The following SMG7 variants were observed in gnomAD, a reference collection of about 807,000 sequenced individuals.
SMG7 encodes the protein nonsense-mediated mRNA decay factor SMG7.
In SMG7, 34 loss-of-function variants were observed where a neutral mutation model predicts 148.2. The ratio of observed to expected loss-of-function variants is 0.23; its 90% CI spans 0.17 to 0.31. The LOEUF is 0.31. SMG7 is among the 10% of genes least tolerant of loss of function. SMG7 has a pLI of 1.00. For synonymous variants in SMG7, 492 were observed against 515.1 expected (o/e 0.96, Z 0.61); for missense variants, 1,114 against 1,408.4 (o/e 0.79, Z 3.35).
chr1:183,516,797 G>A (rs1282598932), intron 3 of SMG7, among the ~76,000 whole-genome samples: 2 of 152,176 alleles, frequency 1.3e-5, no homozygotes, highest in African/African-American at 4.8e-5. Flanking sequence ...TAGAGTCAAG[G>A]ATAAGATGTC....
chr1:183,476,631 AGAT>A (rs763492741), intron 1 of SMG7, among the ~76,000 whole-genome samples: 7 of 152,216 alleles, frequency 4.6e-5, no homozygotes, highest in Non-Finnish European at 8.8e-5. Flanking sequence ...TATGTGGGAA[AGAT>A]GATGATATTC....
intron 14 of SMG7, 133 bp downstream of exon 14, chr1:183,542,635 T>TTA (rs1173485398): frequency 7.3e-6 from 5 of 685,644 alleles, no homozygotes; most frequent in Non-Finnish European, 1.2e-5. Context: ...CATAGTAAGG[T>TTA]TATATAAAGA....
chr1:183,538,945 A>G (rs749374982), intron 12 of SMG7, among the ~76,000 whole-genome samples: 74 of 152,056 alleles, frequency 4.9e-4, no homozygotes, highest in African/African-American at 1.7e-3. Context: ...GGAGATCGAG[A>G]CCATCCTGGC....
intron 1 of SMG7, among the ~76,000 whole-genome samples, chr1:183,493,376 A>AT (rs1657552450): frequency 6.6e-6 from 1 of 152,162 alleles, no homozygotes; most frequent in Non-Finnish European, 1.5e-5. Context: ...GTTTATATAT[A>AT]TATTTTTAAA....
intron 4 of SMG7, among the ~76,000 whole-genome samples, chr1:183,526,185 C>G (rs916907023): frequency 2.7e-5 from 4 of 147,048 alleles, no homozygotes; most frequent in Non-Finnish European, 5.9e-5. Flanking sequence ...GTCTTGCTCT[C>G]TCACCCAGGC....
rs1411452853 is a variant in SMG7, at chr1:183,544,976, T to C, written c.2034T>C (p.Ser678=). ...TTATCCCCCCGCCTGTGGCATTTTCTATGGGCTCAGGTTACACCTTCCCAG... is the reference window on the plus strand; with the variant it reads ...TTATCCCCCCGCCTGTGGCATTTTCCATGGGCTCAGGTTACACCTTCCCAG... ...TYVIPPPVAF[S]MGSGYTFPAG... is the part of the protein sequence containing the mutation. The change falls in exon 16 of 23, where the codon TCT becomes TCC. Residue 678 remains serine (S), a synonymous_variant. Transcript: ENST00000688051. The C allele has an allele frequency of 1.2e-6, 2 of 1,613,982 alleles. No individual in the cohort carries two copies. The highest frequency in any genetic ancestry group is 1.7e-6 in the Non-Finnish European group (2 of 1,179,884).
At chr1:183,489,917 A>T (rs1324137137) in intron 1 of SMG7, among the ~76,000 whole-genome samples, 1 of 152,242 alleles carries the variant, frequency 6.6e-6, no homozygotes, top group East Asian at 1.9e-4. Flanking sequence ...AGTTTGCAAA[A>T]TGTGGTCCCC....
chr1:183,499,731 T>C (rs1245918730), intron 1 of SMG7, among the ~76,000 whole-genome samples: 2 of 152,216 alleles, frequency 1.3e-5, no homozygotes, highest in Non-Finnish European at 2.9e-5. Flanking sequence ...CTTTGTCTTG[T>C]AATGTCCCTT....
At chr1:183,487,812 A>G (rs1290207807) in intron 1 of SMG7, among the ~76,000 whole-genome samples, 1 of 152,236 alleles carries the variant, frequency 6.6e-6, no homozygotes, top group Non-Finnish European at 1.5e-5. Context: ...GCTGGTAAAT[A>G]TATAATGGGA....
At chr1:183,505,047 A>C (rs927173250) in intron 1 of SMG7, among the ~76,000 whole-genome samples, 1 of 150,444 alleles carries the variant, frequency 6.6e-6, no homozygotes, top group African/African-American at 2.4e-5. Context: ...TCCTTCTTCA[A>C]CCTATTCATT....
chr1:183,510,589 C>G (rs1661902292), intron 1 of SMG7, among the ~76,000 whole-genome samples: 1 of 151,960 alleles, frequency 6.6e-6, no homozygotes, highest in Non-Finnish European at 1.5e-5. Context: ...CATTGAGATT[C>G]TGTTGTTTGA....
Position 183,527,600 on chromosome 1 carries a change from G to A in SMG7, c.485-356G>A, listed in dbSNP as rs545856250. On this transcript the variant is annotated intron_variant, in intron 5 of 22. Coordinates refer to ENST00000688051, the MANE Select transcript of SMG7 (RefSeq NM_001375584.1). This position sits in a 1 kb window ranked among gnomAD's most constrained non-coding sequence, Gnocchi z 4.0. Reference sequence around the variant, plus strand: ...TAATTTTCAGATCATATTGTATAGTGTATTTTGTTTTGTTTTGTTTTTAAG... The same window carrying A: ...TAATTTTCAGATCATATTGTATAGTATATTTTGTTTTGTTTTGTTTTTAAG... 1.6e-4 allele frequency: 78 copies of A among 474,610 alleles called. 1 individual carries two copies. The highest frequency in any genetic ancestry group is 1.2e-3 in the South Asian group (75 of 64,568). The allele number at this position is 474,610 out of a possible 1,614,324, so 29.4% of individuals were successfully genotyped here.
chr1:183,518,456 A>T (rs1259449773), intron 4 of SMG7, among the ~76,000 whole-genome samples: 1 of 152,260 alleles, frequency 6.6e-6, no homozygotes, highest in African/African-American at 2.4e-5. Flanking sequence ...TATAGTCATT[A>T]AAATAATAGC....
intron 1 of SMG7, among the ~76,000 whole-genome samples, chr1:183,489,577 A>T (rs1656412737): frequency 6.6e-6 from 1 of 152,160 alleles, no homozygotes; most frequent in Non-Finnish European, 1.5e-5. Context: ...TATTTAATGA[A>T]TATCTATGGT....
chr1:183,544,308 T>G (rs772538237), intron 14 of SMG7, 45 bp from the exon 15 acceptor site: 5 of 1,543,808 alleles, frequency 3.2e-6, no homozygotes, highest in Non-Finnish European at 3.6e-6. Flanking sequence ...CTAGCACATT[T>G]GAGTTTCAAT....
Position 183,483,523 on chromosome 1 carries a change from C to T in SMG7, c.29+10874C>T, listed in dbSNP as rs185196229. On this transcript the variant is annotated intron_variant, in intron 1 of 22. Transcript: ENST00000688051. ...ATTACTGGTGAAAAAAGTAAAAAAG[C>T]ATAGTGTTGAGAGAACCACCATAGG... Among the ~76,000 whole-genome samples the T allele has an allele frequency of 2.5e-3, 388 of 152,174 alleles. 3 individuals carry two copies. Among genetic ancestry groups the T allele is most frequent in the African/African-American group, 8.4e-3 (348 of 41,528 alleles).
intron 4 of SMG7, among the ~76,000 whole-genome samples, chr1:183,521,558 CTAAGA>C (rs1181016910): frequency 6.6e-6 from 1 of 152,112 alleles, no homozygotes. Context: ...GCCTTATAAG[CTAAGA>C]TGAGTTTTGA....
rs766877953 is a variant in SMG7, at chr1:183,549,835, A to G, written c.3045A>G (p.Glu1015=). ...GKNLTSSSKA[E]LSPSMAPQET... Reference sequence around the variant, plus strand: ...ACCTGACATCCAGCTCCAAAGCAGAACTCAGTCCCTCAATGGCCCCCCAGG... The same window carrying G: ...ACCTGACATCCAGCTCCAAAGCAGAGCTCAGTCCCTCAATGGCCCCCCAGG... Residue 1015 remains glutamate (E), a synonymous_variant, in exon 20 of 23, where the codon GAA becomes GAG. Coordinates refer to ENST00000688051, the MANE Select transcript of SMG7 (RefSeq NM_001375584.1). 3.1e-6 allele frequency: 5 copies of G among 1,613,776 alleles called. No individual in the cohort carries two copies. Among genetic ancestry groups the G allele is most frequent in the Admixed American group, 3.3e-5 (2 of 59,998 alleles).
At chr1:183,507,826 A>C (rs1342848780) in intron 1 of SMG7, among the ~76,000 whole-genome samples, 1 of 152,184 alleles carries the variant, frequency 6.6e-6, no homozygotes, top group Admixed American at 6.5e-5. Context: ...AGCTTTCAAC[A>C]TAGTTGGCTG....
Sources: gnomAD v4.1 joint callset for allele counts (sites outside exome capture counted in the v4.1 genomes callset) on GRCh38, gnomAD v4.1.1 for gene constraint, Gnocchi (gnomAD v3.1) non-coding constraint, MANE v1.5 for transcripts, NCBI Gene and HGNC (gene_info 2026-07-23, HGNC 2026-07-21) for gene names.